The following IFT140 variants were observed in gnomAD, a reference collection of about 807,000 sequenced individuals.
IFT140 encodes intraflagellar transport 140, also known as intraflagellar transport protein 140 homolog.
In IFT140, 133 loss-of-function variants were observed where a neutral mutation model predicts 164.6. The ratio of observed to expected loss-of-function variants is 0.81; its 90% CI spans 0.70 to 0.93. The LOEUF is 0.93. IFT140 is among the 40% of genes least tolerant of loss of function. IFT140 has a pLI of 0.00. For synonymous variants in IFT140, 860 were observed against 817.3 expected, an observed-to-expected ratio of 1.05 and a Z score of -0.89; for missense variants, 2,045 against 1,972.3, an observed-to-expected ratio of 1.04 and a Z score of -0.70.
At chr16:1,547,249 G>C (rs2032251399) in intron 19 of IFT140, among the ~76,000 whole-genome samples, 1 of 152,164 alleles carries the variant, frequency 6.6e-6, no homozygotes, top group African/African-American at 2.4e-5. Context: ...CACTAGAAAG[G>C]GCACCATGGA....
At chr16:1,550,667 A>G (rs2032559566) in intron 19 of IFT140, among the ~76,000 whole-genome samples, 1 of 152,138 alleles carries the variant, frequency 6.6e-6, no homozygotes, top group Non-Finnish European at 1.5e-5. Context: ...GCTTTGCTCC[A>G]TGGTTTAGCC....
At chr16:1,543,734 C>A (rs1470855506) in intron 19 of IFT140, among the ~76,000 whole-genome samples, 1 of 152,224 alleles carries the variant, frequency 6.6e-6, no homozygotes, top group Non-Finnish European at 1.5e-5. Flanking sequence ...ATGAGACTCT[C>A]AACGAGGTAC....
At chr16:1,593,162 TAA>T (rs915458575) in intron 4 of IFT140, among the ~76,000 whole-genome samples, 1 of 152,254 alleles carries the variant, frequency 6.6e-6, no homozygotes, top group African/African-American at 2.4e-5. Context: ...ATTCCTTTTT[TAA>T]AAAAGTTACA....
At chr16:1,611,317 C>A (rs539948914) in intron 1 of IFT140, among the ~76,000 whole-genome samples, 9 of 152,212 alleles carry the variant, frequency 5.9e-5, no homozygotes, top group Non-Finnish European at 1.0e-4. Flanking sequence ...CCAGCCTTGG[C>A]AACAAGGCGA....
At chr16:1,544,421 G>T (rs1170466278) in intron 19 of IFT140, among the ~76,000 whole-genome samples, 1 of 151,696 alleles carries the variant, frequency 6.6e-6, no homozygotes, top group Admixed American at 6.6e-5. Flanking sequence ...TCCTGACCTC[G>T]TGATCCGCCC....
At position 1,589,654 on chromosome 16, in the gene IFT140, A is replaced by G. The variant is rs1271393753; in HGVS notation, c.761T>C (p.Leu254Pro). Residue 254 changes from leucine (L) to proline (P), a missense_variant, in exon 7 of 31, where the codon CTG becomes CCG. Transcript: ENST00000426508. ...ALVVVTENLRLSLYTVPPEGK... is the reference protein window; with the variant it reads ...ALVVVTENLRPSLYTVPPEGK... Reference sequence around the variant, plus strand: ...CTCAGGAGGCACCGTGTACAGGGACAGCCGGAGGTTCTCTGTGACCACCAC... The same window carrying G: ...CTCAGGAGGCACCGTGTACAGGGACGGCCGGAGGTTCTCTGTGACCACCAC... The G allele has an allele frequency of 3.7e-6, 6 of 1,614,042 alleles. No individual in the cohort carries two copies. The Admixed American group carries it at 1.0e-4, about 27-fold the overall frequency.
intron 17 of IFT140, among the ~76,000 whole-genome samples, chr16:1,563,204 G>A (rs947829956): frequency 6.6e-6 from 1 of 152,050 alleles, no homozygotes; most frequent in Non-Finnish European, 1.5e-5. Flanking sequence ...TGGTGGTGGA[G>A]ATGCCACCTG....
intron 19 of IFT140, among the ~76,000 whole-genome samples, chr16:1,528,391 A>G (rs1055924600): frequency 1.3e-5 from 2 of 150,566 alleles, no homozygotes; most frequent in Non-Finnish European, 3.0e-5. Flanking sequence ...ACGTGTGCAC[A>G]CACACGGATG....
chr16:1,547,416 C>T (rs1337699689), intron 19 of IFT140, among the ~76,000 whole-genome samples: 2 of 152,224 alleles, frequency 1.3e-5, no homozygotes, highest in Admixed American at 1.3e-4. Flanking sequence ...AGGGTTGATA[C>T]TCACTGACAT....
intron 30 of IFT140, among the ~76,000 whole-genome samples, chr16:1,516,807 C>A: frequency 6.8e-6 from 1 of 147,004 alleles, no homozygotes; most frequent in Admixed American, 6.8e-5. Flanking sequence ...AAAAAGAAGG[C>A]AGGAAAAAAG....
intron 19 of IFT140, among the ~76,000 whole-genome samples, chr16:1,534,829 T>TG (rs1029745278): frequency 1.3e-5 from 2 of 152,192 alleles, no homozygotes; most frequent in African/African-American, 4.8e-5. Context: ...CTCAGGCATT[T>TG]GGGGGGCCTC....
At chr16:1,573,710 C>T (rs1351268365) in intron 13 of IFT140, among the ~76,000 whole-genome samples, 1 of 152,134 alleles carries the variant, frequency 6.6e-6, no homozygotes. Context: ...AGTGCCCCTC[C>T]ACTCCAGCTC....
At chr16:1,558,531 G>C (rs2033229822) in intron 18 of IFT140, among the ~76,000 whole-genome samples, 1 of 152,230 alleles carries the variant, frequency 6.6e-6, no homozygotes, top group Non-Finnish European at 1.5e-5. Flanking sequence ...CACAGGGAGG[G>C]ACGCGGCTGT....
chr16:1,566,059 G>A, intron 16 of IFT140, 102 bp downstream of exon 16: 1 of 1,077,100 alleles, frequency 9.3e-7, no homozygotes, highest in Non-Finnish European at 1.4e-6. Flanking sequence ...TGCCTGCTGG[G>A]GCCTTTTGAA....
At chr16:1,599,753 C>A (rs1379065860) in intron 4 of IFT140, among the ~76,000 whole-genome samples, 1 of 67,734 alleles carries the variant, frequency 1.5e-5, no homozygotes, top group Non-Finnish European at 2.7e-5. Context: ...CTCTGCCCGG[C>A]CAGCCGCCCC....
Position 1,533,571 on chromosome 16 carries a change from G to C in IFT140, c.2400-6775C>G, listed in dbSNP as rs1192335874. The C allele has an allele frequency of 2.6e-5, 4 of 152,338 alleles. No individual in the cohort carries two copies. The highest frequency in any genetic ancestry group is 9.6e-5 in the African/African-American group (4 of 41,478). The allele number at this position is 152,338 out of a possible 1,614,324, so 9.4% of individuals were successfully genotyped here. On this transcript the variant is annotated intron_variant, in intron 19 of 30. Coordinates refer to ENST00000426508, the MANE Select transcript of IFT140 (RefSeq NM_014714.4). This position sits in a 1 kb window ranked among gnomAD's most constrained non-coding sequence, Gnocchi z 4.7. The stretch of plus-strand genomic sequence containing the variant: ...GTCTCCTGGCCTTTCCCATCAGGAA[G>C]CACATCCTGTTGGTGTCTGGCTGCC...
intron 19 of IFT140, chr16:1,541,482 C>A: frequency 1.0e-6 from 1 of 985,420 alleles, no homozygotes; most frequent in Non-Finnish European, 1.2e-6. Context: ...TGGCCCCCCG[C>A]GGAGTCTCCG....
chr16:1,515,739 GC>G (rs2040316462), intron 30 of IFT140, among the ~76,000 whole-genome samples: 1 of 152,098 alleles, frequency 6.6e-6, no homozygotes. Flanking sequence ...AAGAATACAG[GC>G]AAAATAAATA....
chr16:1,584,159 C>T (rs1289761497), intron 11 of IFT140, 58 bp downstream of exon 11: 2 of 1,513,244 alleles, frequency 1.3e-6, no homozygotes, highest in East Asian at 2.4e-5. Flanking sequence ...CCTGAACTAC[C>T]TGGCCATGGG....
Sources: allele counts gnomAD v4.1 joint callset (sites outside exome capture counted in the v4.1 genomes callset), GRCh38; gene constraint gnomAD v4.1.1; non-coding constraint Gnocchi (gnomAD v3.1); transcripts MANE v1.5; gene names NCBI Gene and HGNC (gene_info 2026-07-23, HGNC 2026-07-21).